Variants in MAN1B1 observed in about 807,000 individuals in gnomAD.
MAN1B1 encodes mannosidase alpha class 1B member 1.
MAN1B1 carries 66 observed loss-of-function variants against 75.5 expected under a neutral mutation model. The observed-to-expected ratio is 0.87, with a 90% CI of 0.72 to 1.07. MAN1B1 has a LOEUF of 1.07. MAN1B1 is among the 50% of genes least tolerant of loss of function. The pLI, the probability that MAN1B1 is intolerant of heterozygous loss-of-function variation, is 0.00. For missense variants in MAN1B1, 973 were observed against 912.5 expected, an observed-to-expected ratio of 1.07 and a Z score of -0.85; for synonymous variants, 453 against 382.8, an observed-to-expected ratio of 1.18 and a Z score of -2.14.
intron 5 of MAN1B1, 136 bp downstream of exon 5, chr9:137,098,073 C>CT (rs1365917940): frequency 2.9e-6 from 2 of 681,934 alleles, no homozygotes; most frequent in Non-Finnish European, 2.6e-6. Flanking sequence ...CCCCTGTTGT[C>CT]TGAGTCCTCA....
rs373952580 is a variant in MAN1B1 at position 137,087,015 on chromosome 9, G to A, written c.16G>A (p.Gly6Ser). The A allele has an allele frequency of 6.3e-7, 1 of 1,599,126 alleles. No individual in the cohort carries two copies. The highest frequency in any genetic ancestry group is 8.5e-7 in the Non-Finnish European group (1 of 1,174,842). MAACEGRRSGALGSSQ... is the reference protein window; with the variant it reads MAACESRRSGALGSSQ... ...CGGCGCTGCGATGGCTGCCTGCGAGGGCAGGAGAAGCGGAGCTCTCGGTTC... is the reference window on the plus strand; with the variant it reads ...CGGCGCTGCGATGGCTGCCTGCGAGAGCAGGAGAAGCGGAGCTCTCGGTTC... Residue 6 changes from glycine (G) to serine (S), a missense_variant, in exon 1 of 13, where the codon GGC becomes AGC. Transcript: ENST00000371589.
Position 137,101,129 on chromosome 9 carries a change from G to C in MAN1B1, c.1041G>C (p.Gly347=). Residue 347 remains glycine, a synonymous_variant, in exon 7 of 13, where the codon GGG becomes GGC. Transcript: ENST00000371589. ...GGLLSAYHLS[G]DSLFLRKAED... is the part of the protein sequence containing the mutation. The stretch of plus-strand genomic sequence containing the variant: ...TCCTGAGTGCCTACCACCTGTCTGG[G>C]GACAGCCTCTTCCTGAGGAAAGCTG... The C allele has an allele frequency of 6.2e-7, 1 of 1,614,050 alleles. No homozygotes were observed. Among genetic ancestry groups the C allele is most frequent in the Non-Finnish European group, 8.5e-7 (1 of 1,180,032 alleles).
In MAN1B1 at chr9:137,087,035, C is replaced by T. The variant is rs536416852; in HGVS notation, c.36C>T (p.Leu12=). ...AACEGRRSGA[L]GSSQSDFLTP... The stretch of plus-strand genomic sequence containing the variant: ...GCGAGGGCAGGAGAAGCGGAGCTCT[C>T]GGTTCCTCTCAGTCGGACTTCCTGA... The change falls in exon 1 of 13, where the codon CTC becomes CTT. Residue 12 remains leucine (L), a synonymous_variant. Transcript: ENST00000371589. 91 of 1,602,948 alleles carry T rather than the reference C, an allele frequency of 5.7e-5. No individual in the cohort carries two copies. Among genetic ancestry groups the T allele is most frequent in the Non-Finnish European group, 7.5e-5 (88 of 1,176,608 alleles).
At chr9:137,102,733 C>T (rs199706497) in intron 8 of MAN1B1, 6 of 324,168 alleles carry the variant, frequency 1.9e-5, no homozygotes, top group African/African-American at 1.2e-4. Flanking sequence ...CTGTTGCAGG[C>T]GTGCAGGTCG....
intron 3 of MAN1B1, among the ~76,000 whole-genome samples, chr9:137,091,264 TG>T (rs1830505046): frequency 6.6e-6 from 1 of 152,276 alleles, no homozygotes; most frequent in East Asian, 1.9e-4. Context: ...CATTGAAAGA[TG>T]TGTTTCCACC....
chr9:137,087,087 G>C lies in MAN1B1; in HGVS notation c.88G>C (p.Ala30Pro). Residue 30 changes from alanine (A) to proline (P), a missense_variant, in exon 1 of 13, where the codon GCC becomes CCC. By Grantham distance (27) the Ala-to-Pro change is conservative. Transcript: ENST00000371589. ...LTPPVGGAPW[A>P]VATTVVMYPP... is the part of the protein sequence containing the mutation. ...GCCGCCAGTGGGCGGGGCCCCTTGG[G>C]CCGTCGCCACCACTGTAGTCATGTA... The C allele has an allele frequency of 1.2e-6, 2 of 1,600,080 alleles. No individual in the cohort carries two copies. Among genetic ancestry groups the C allele is most frequent in the East Asian group, 2.3e-5 (1 of 44,380 alleles).
intron 6 of MAN1B1, 79 bp from the exon 7 acceptor site, chr9:137,100,926 A>G (rs1830790679): frequency 6.4e-7 from 1 of 1,554,610 alleles, no homozygotes; most frequent in Non-Finnish European, 8.9e-7. Context: ...AGCCAAATGT[A>G]TTTTGAAGAT....
chr9:137,107,114 C>T lies in MAN1B1; in HGVS notation c.1567-136C>T. 5.3e-6 allele frequency: 5 copies of T among 948,494 alleles called. 1 individual carries two copies. The South Asian group carries it at 8.2e-5, about 15-fold the overall frequency. 58.8% of individuals were successfully genotyped at this position (948,494 alleles called of 1,614,324 possible). ...TCCAGGCAGCTCCGCTGTTCCATGC[C>T]AAGTGCCCTCGCGTGGCCTCCCCTC... On this transcript the variant is annotated intron_variant, in intron 10 of 12. Coordinates refer to ENST00000371589, the MANE Select transcript of MAN1B1 (RefSeq NM_016219.5).
intron 5 of MAN1B1, among the ~76,000 whole-genome samples, chr9:137,098,193 C>T (rs1830709760): frequency 6.6e-6 from 1 of 152,236 alleles, no homozygotes; most frequent in Non-Finnish European, 1.5e-5. Flanking sequence ...CAGGCTGCCC[C>T]ACGGGATCCC....
At chr9:137,101,241 C>T in intron 7 of MAN1B1, 88 bp downstream of exon 7, 1 of 1,524,138 alleles carries the variant, frequency 6.6e-7, no homozygotes, top group Non-Finnish European at 9.1e-7. Flanking sequence ...ACGTGACTGT[C>T]TTCCTGTTTC....
chr9:137,091,373 C>T (rs571657293), intron 3 of MAN1B1, among the ~76,000 whole-genome samples: 2 of 152,260 alleles, frequency 1.3e-5, no homozygotes, highest in East Asian at 3.9e-4. Flanking sequence ...GACTTGGAGA[C>T]ATCCTGCCCT....
intron 12 of MAN1B1, 96 bp from the exon 13 acceptor site, chr9:137,108,292 C>T: frequency 9.0e-7 from 1 of 1,116,046 alleles, no homozygotes; most frequent in Non-Finnish European, 1.4e-6. Context: ...GCGCTGGGGG[C>T]CACATTCACC....
intron 8 of MAN1B1, chr9:137,102,957 C>G (rs1272647553): frequency 2.3e-6 from 1 of 431,102 alleles, no homozygotes; most frequent in Non-Finnish European, 4.6e-6. Flanking sequence ...GTGTTACACA[C>G]ATTCACGCTT....
chr9:137,109,022 C>CT lies in MAN1B1; in HGVS notation c.*432dup, dbSNP rs1831226860. 2.2e-6 allele frequency: 1 copy of CT among 459,252 alleles called. No individual in the cohort carries two copies. The highest frequency in any genetic ancestry group is 2.0e-5 in the African/African-American group (1 of 50,164). The allele number at this position is 459,252 out of a possible 1,614,324, so 28.4% of individuals were successfully genotyped here. A position where few individuals can be genotyped will look rare whatever the true frequency, so the allele number is the denominator to read the frequency against. Reference sequence around the variant, plus strand: ...GAGGGGCTGCCGTGACTCCAGAGGCCTGAGGCTCCAGGGCTGGCTCTGGTG... The same window carrying CT: ...GAGGGGCTGCCGTGACTCCAGAGGCCTTGAGGCTCCAGGGCTGGCTCTGGTG... On this transcript the variant is annotated 3_prime_UTR_variant, in exon 13 of 13. Coordinates refer to ENST00000371589, the MANE Select transcript of MAN1B1 (RefSeq NM_016219.5).
intron 4 of MAN1B1, among the ~76,000 whole-genome samples, chr9:137,096,656 G>A (rs1023411068): frequency 6.6e-6 from 1 of 152,246 alleles, no homozygotes; most frequent in Non-Finnish European, 1.5e-5. Context: ...GCACAGGTGC[G>A]TGGGGATGGG....
chr9:137,095,447 G>C (rs937429928), intron 3 of MAN1B1, among the ~76,000 whole-genome samples: 5 of 152,062 alleles, frequency 3.3e-5, no homozygotes, highest in African/African-American at 9.7e-5. Flanking sequence ...TGCCGGGCAT[G>C]TTGGCTGCAA....
rs560718999 is a variant in MAN1B1, at chr9:137,098,006, G to A, written c.730+69G>A. ...CTGGTGGCTGATGGGTGCAGGCTTC[G>A]TCTCAGCCATGGTGGGTGGCGCCCC... On this transcript the variant is annotated intron_variant, in intron 5 of 12. Transcript: ENST00000371589. 2.9e-5 allele frequency: 36 copies of A among 1,253,044 alleles called. No homozygotes were observed. The African/African-American group carries it at 3.1e-4, about 11-fold the overall frequency. 77.6% of individuals were successfully genotyped at this position (1,253,044 alleles called of 1,614,324 possible).
rs1830795038 is a variant in MAN1B1 at position 137,101,083 on chromosome 9, C to T, written c.995C>T (p.Thr332Met). Reference protein sequence around the residue: ...KDVDVNLFESTIRILGGLLSA... With the variant: ...KDVDVNLFESMIRILGGLLSA... ...GTGGACGTCAACCTGTTTGAGAGCACGATCCGCATCCTGGGGGGGCTCCTG... is the reference window on the plus strand; with the variant it reads ...GTGGACGTCAACCTGTTTGAGAGCATGATCCGCATCCTGGGGGGGCTCCTG... Residue 332 changes from threonine (T) to methionine (M), a missense_variant, in exon 7 of 13, where the codon ACG (threonine) becomes ATG (methionine). Physicochemically the swap from Thr to Met is moderately conservative, Grantham distance 81. Transcript: ENST00000371589. 4 of 1,614,040 alleles carry T rather than the reference C, an allele frequency of 2.5e-6. No individual in the cohort carries two copies. The highest frequency in any genetic ancestry group is 1.3e-5 in the African/African-American group (1 of 74,932).
At chr9:137,099,303 G>A (rs73668392) in intron 5 of MAN1B1, among the ~76,000 whole-genome samples, 8,804 of 152,330 alleles carry the variant, frequency 0.058, 842 homozygotes, top group African/African-American at 0.19. Flanking sequence ...ACTCACCCAC[G>A]TCTCCACAGG....
Sources: allele counts gnomAD v4.1 joint callset (sites outside exome capture counted in the v4.1 genomes callset), GRCh38; gene constraint gnomAD v4.1.1; transcripts MANE v1.5; gene names NCBI Gene and HGNC (gene_info 2026-07-23, HGNC 2026-07-21).